The following SHMT2 variants were observed in gnomAD, a reference collection of about 807,000 sequenced individuals.
SHMT2 encodes the protein serine hydroxymethyltransferase, mitochondrial.
In SHMT2, 38 loss-of-function variants were observed where a neutral mutation model predicts 59.6. That is an observed-to-expected ratio of 0.64 (90% CI 0.49 to 0.84). The LOEUF (loss-of-function observed/expected upper bound fraction) is 0.84, where lower values mean the gene tolerates loss of function less well. Among genes scored for constraint, SHMT2 ranks in the 40% least tolerant of loss-of-function variants. The pLI, the probability that SHMT2 is intolerant of heterozygous loss-of-function variation, is 0.00. For synonymous variants in SHMT2, 254 were observed against 258.1 expected, an observed-to-expected ratio of 0.98 and a Z score of 0.15; for missense variants, 533 against 659.5, an observed-to-expected ratio of 0.81 and a Z score of 2.10.
In SHMT2 at chr12:57,234,511, T is replaced by C. The variant is rs2037473625; in HGVS notation, c.*150T>C. 1.3e-6 allele frequency: 1 copy of C among 760,846 alleles called. No homozygotes were observed. Among genetic ancestry groups the C allele is most frequent in the South Asian group, 3.0e-5 (1 of 32,788 alleles). The allele number at this position is 760,846 out of a possible 1,614,324, so 47.1% of individuals were successfully genotyped here. Reference sequence around the variant, plus strand: ...CCAGGTATAGTCTCCCTTCCCAGAATTTGTAACTGAGAAGATCTTTTCTTT... The same window carrying C: ...CCAGGTATAGTCTCCCTTCCCAGAACTTGTAACTGAGAAGATCTTTTCTTT... On this transcript the variant is annotated 3_prime_UTR_variant, in exon 12 of 12. Coordinates refer to ENST00000328923, the MANE Select transcript of SHMT2 (RefSeq NM_005412.6).
At chr12:57,231,691 C>T in intron 3 of SHMT2, 22 bp from the exon 4 acceptor site, 1 of 1,613,742 alleles carries the variant, frequency 6.2e-7, no homozygotes, top group Non-Finnish European at 8.5e-7. Flanking sequence ...TCTGTGCCCT[C>T]ATTACCCCTC....
In SHMT2 at chr12:57,233,589, C is replaced by T. The variant is rs538704357; in HGVS notation, c.1050C>T (p.Tyr350=). 7.4e-6 allele frequency: 12 copies of T among 1,614,010 alleles called. No homozygotes were observed. In the South Asian group the frequency reaches 1.2e-4, roughly 16 times the overall value. ...CCTGCACCCCCATGTTCCGGGAGTA[C>T]TCCCTGCAGGTTCTGAAGAATGCTC... ...KQACTPMFRE[Y]SLQVLKNARA... Residue 350 remains tyrosine (Y), a synonymous_variant, in exon 9 of 12, where the codon TAC becomes TAT. Coordinates refer to ENST00000328923, the MANE Select transcript of SHMT2 (RefSeq NM_005412.6).
At chr12:57,229,990 T>G in intron 1 of SHMT2, 179 bp downstream of exon 1, 1 of 1,444,746 alleles carries the variant, frequency 6.9e-7, no homozygotes. Context: ...TGGAGTTAAC[T>G]GCGAGCCTGT....
In SHMT2 at chr12:57,232,517, T is replaced by G. The variant is rs1452773614; in HGVS notation, c.659T>G (p.Leu220Arg). The change falls in exon 6 of 12, where the codon CTC becomes CGC. Residue 220 changes from leucine to arginine, a missense_variant. Transcript: ENST00000328923. Reference protein sequence around the residue: ...ALTARLFRPRLIIAGTSAYAR... With the variant: ...ALTARLFRPRRIIAGTSAYAR... ...ACTGCTCGACTTTTCCGGCCACGGC[T>G]CATCATAGCTGGCACCAGCGCCTAT... is the stretch of plus-strand genomic sequence containing the variant. 1 of 1,614,210 alleles carries G rather than the reference T, an allele frequency of 6.2e-7. No homozygotes were observed. The highest frequency in any genetic ancestry group is 8.5e-7 in the Non-Finnish European group (1 of 1,180,026).
intron 4 of SHMT2, 145 bp downstream of exon 4, chr12:57,232,058 C>A: frequency 1.7e-6 from 2 of 1,148,484 alleles, no homozygotes; most frequent in Non-Finnish European, 2.6e-6. Context: ...AAGATAAGAT[C>A]CCAGTTATAG....
intron 10 of SHMT2, 32 bp from the exon 11 acceptor site, chr12:57,233,971 A>C (rs1565773506): frequency 6.2e-7 from 1 of 1,614,068 alleles, no homozygotes. Context: ...ACCTTGGGCT[A>C]TGCTCATCCC....
At chr12:57,229,903 GCTTTTCCAT>G in intron 1 of SHMT2, 92 bp downstream of exon 1, 4 of 1,563,564 alleles carry the variant, frequency 2.6e-6, no homozygotes, top group Non-Finnish European at 3.5e-6. Context: ...GGTTCTCTTG[GCTTTTCCAT>G]GCACGTGGAT....
Position 57,230,978 on chromosome 12 carries a change from G to C in SHMT2, c.209G>C (p.Gly70Ala), listed in dbSNP as rs1427117085. Reference sequence around the variant, plus strand: ...AGGGAGAAGGACAGGCAGTGTCGTGGCCTGGAGCTCATTGCCTCAGAGGTG... The same window carrying C: ...AGGGAGAAGGACAGGCAGTGTCGTGCCCTGGAGCTCATTGCCTCAGAGGTG... ...LQREKDRQCR[G>A]LELIASENFC... The change falls in exon 2 of 12, where the codon GGC becomes GCC. Residue 70 changes from glycine to alanine, a missense_variant. Physicochemically the swap from Gly to Ala is moderately conservative, Grantham distance 60 (BLOSUM62 0). Coordinates refer to ENST00000328923, the MANE Select transcript of SHMT2 (RefSeq NM_005412.6). 6.2e-7 allele frequency: 1 copy of C among 1,613,530 alleles called. No individual in the cohort carries two copies. The highest frequency in any genetic ancestry group is 8.5e-7 in the Non-Finnish European group (1 of 1,180,026).
chr12:57,231,902 C>T lies in SHMT2; in HGVS notation c.501C>T (p.Pro167=), dbSNP rs758731005. ...PHDRIMGLDL[P]DGGHLTHGYM... ...ACCGGATCATGGGGCTGGACCTGCCCGATGGGGGCCAGTGAGTATGGATGG... is the reference window on the plus strand; with the variant it reads ...ACCGGATCATGGGGCTGGACCTGCCTGATGGGGGCCAGTGAGTATGGATGG... The change falls in exon 4 of 12, where the codon CCC becomes CCT. Residue 167 remains proline (P), a synonymous_variant. Transcript: ENST00000328923. 1.2e-5 allele frequency: 19 copies of T among 1,608,254 alleles called. No homozygotes were observed. Among genetic ancestry groups the T allele is most frequent in the Middle Eastern group, 1.6e-4 (1 of 6,076 alleles).
At chr12:57,231,153 G>A (rs1434437251) in intron 2 of SHMT2, 153 bp downstream of exon 2, 4 of 776,322 alleles carry the variant, frequency 5.2e-6, no homozygotes, top group African/African-American at 1.7e-5. Flanking sequence ...AGCAAAGGCA[G>A]TGCAAGTCCA....
In SHMT2 at chr12:57,229,713, T is replaced by G. The variant is rs746585681; in HGVS notation, c.-66T>G. On this transcript the variant is annotated 5_prime_UTR_variant, in exon 1 of 12. Transcript: ENST00000328923. ...CGCGCATGCGTTCTCCGAACGGTCT[T>G]CTTCCGACAGCTTGCTGCCCTAGAC... The G allele has an allele frequency of 5.6e-6, 9 of 1,604,288 alleles. No homozygotes were observed. The South Asian group carries it at 6.6e-5, about 12-fold the overall frequency.
In SHMT2 at chr12:57,230,858, A is replaced by G; in HGVS notation, c.89A>G (p.Asn30Ser). The G allele has an allele frequency of 6.2e-7, 1 of 1,614,120 alleles. No individual in the cohort carries two copies. The highest frequency in any genetic ancestry group is 8.5e-7 in the Non-Finnish European group (1 of 1,180,018). ...ATGGCCATTCGGGCTCAGCACAGCA[A>G]CGCAGCCCAGACTCAGACTGGGGAA... is the stretch of plus-strand genomic sequence containing the variant. ...VRMAIRAQHSNAAQTQTGEAN... is the reference protein window; with the variant it reads ...VRMAIRAQHSSAAQTQTGEAN... The change falls in exon 2 of 12, where the codon AAC becomes AGC. Residue 30 changes from asparagine to serine, a missense_variant. Asn to Ser is a conservative substitution (Grantham distance 46). Transcript: ENST00000328923.
intron 2 of SHMT2, chr12:57,231,240 TGAG>T: frequency 1.6e-6 from 1 of 614,712 alleles, no homozygotes. Context: ...CTTCCTCCTA[TGAG>T]GAAGGAGGAG....
At chr12:57,230,082 C>A in intron 1 of SHMT2, 1 of 1,374,378 alleles carries the variant, frequency 7.3e-7, no homozygotes, top group Non-Finnish European at 9.4e-7. Flanking sequence ...GCCCCGGATG[C>A]CCCGCGGACC....
chr12:57,230,640 C>G, intron 1 of SHMT2, 163 bp from the exon 2 acceptor site: 1 of 1,454,242 alleles, frequency 6.9e-7, no homozygotes, highest in East Asian at 2.5e-5. Flanking sequence ...TCAAGCTTGG[C>G]TCCAGAACTG....
In SHMT2 at chr12:57,233,858, C is replaced by G; in HGVS notation, c.1233C>G (p.Thr411=). 4 of 1,614,216 alleles carry G rather than the reference C, an allele frequency of 2.5e-6. No individual in the cohort carries two copies. The highest frequency in any genetic ancestry group is 2.5e-6 in the Non-Finnish European group (3 of 1,180,038). Residue 411 remains threonine (T), a synonymous_variant, in exon 10 of 12, where the codon ACC becomes ACG. Coordinates refer to ENST00000328923, the MANE Select transcript of SHMT2 (RefSeq NM_005412.6). The part of the protein sequence containing the change: ...ELVSITANKN[T]CPGDRSAITP... ...TATCCATCACTGCCAACAAGAACAC[C>G]TGTCCTGGAGACCGAAGTGCCATCA...
chr12:57,233,372 TG>T, intron 8 of SHMT2, 27 bp downstream of exon 8: 8 of 1,568,326 alleles, frequency 5.1e-6, no homozygotes, highest in East Asian at 2.3e-5. Flanking sequence ...TTGTAGGGTG[TG>T]GGGGGGCAAT....
In SHMT2 at chr12:57,231,732, G is replaced by A. The variant is rs2037327068; in HGVS notation, c.331G>A (p.Val111Met). The A allele has an allele frequency of 6.2e-7, 1 of 1,614,042 alleles. No homozygotes were observed. ...CGGCAGATACTATGGGGGAGCAGAG[G>A]TGGTGGATGAAATTGAGCTGCTGTG... is the stretch of plus-strand genomic sequence containing the variant. Reference protein sequence around the residue: ...PGKRYYGGAEVVDEIELLCQR... With the variant: ...PGKRYYGGAEMVDEIELLCQR... Residue 111 changes from valine (V) to methionine (M), a missense_variant, in exon 4 of 12, where the codon GTG becomes ATG. Coordinates refer to ENST00000328923, the MANE Select transcript of SHMT2 (RefSeq NM_005412.6).
chr12:57,231,046 G>T, intron 2 of SHMT2, 46 bp downstream of exon 2: 1 of 1,570,930 alleles, frequency 6.4e-7, no homozygotes, highest in South Asian at 1.1e-5. Context: ...CATGGGTACA[G>T]GAAGTAACAA....
Sources: gnomAD v4.1 joint callset for allele counts on GRCh38, gnomAD v4.1.1 for gene constraint, MANE v1.5 for transcripts, NCBI Gene and HGNC (gene_info 2026-07-23, HGNC 2026-07-21) for gene names.